Variants in DENND4C observed in about 807,000 individuals in gnomAD.
DENND4C encodes the protein DENN domain-containing protein 4C.
DENND4C carries 108 observed loss-of-function variants against 203.0 expected under a neutral mutation model. That is an observed-to-expected ratio of 0.53 (90% CI 0.46 to 0.62). The LOEUF is 0.62. Ranked by LOEUF, DENND4C falls within the 20% of genes least tolerant of loss-of-function variation. The pLI, the probability that DENND4C is intolerant of heterozygous loss-of-function variation, is 0.00. For missense variants in DENND4C, 2,481 were observed against 2,301.2 expected, an observed-to-expected ratio of 1.08 and a Z score of -1.60; for synonymous variants, 871 against 792.4, an observed-to-expected ratio of 1.10 and a Z score of -1.67.
chr9:19,353,699 G>A (rs188146887), intron 26 of DENND4C, among the ~76,000 whole-genome samples: 3 of 151,220 alleles, frequency 2.0e-5, no homozygotes, highest in East Asian at 2.0e-4. Flanking sequence ...TTGGGAGGCC[G>A]AGGCAGGCAG....
At chr9:19,273,995 A>C (rs556339377) in intron 1 of DENND4C, among the ~76,000 whole-genome samples, 2 of 152,216 alleles carry the variant, frequency 1.3e-5, no homozygotes, top group East Asian at 1.9e-4. Flanking sequence ...TTCACACGGG[A>C]AATAACCTAA....
In DENND4C at chr9:19,325,950, T is replaced by G; in HGVS notation, c.1965T>G (p.Asp655Glu). The part of the protein sequence containing the change: ...FDDCIEKLFP[D>E]KGTEKTDKVD... ...TTCTTTTTTTCTAGTTGTTTCCTGA[T>G]AAAGGCACAGAGAAAACAGATAAGG... Residue 655 changes from aspartate (D) to glutamate (E), a missense_variant, in exon 14 of 33, where the codon GAT becomes GAG. Transcript: ENST00000434457. 6.2e-7 allele frequency: 1 copy of G among 1,608,312 alleles called. No homozygotes were observed. The highest frequency in any genetic ancestry group is 8.5e-7 in the Non-Finnish European group (1 of 1,177,624).
At chr9:19,323,206 G>A (rs1055524361) in intron 12 of DENND4C, among the ~76,000 whole-genome samples, 3 of 152,138 alleles carry the variant, frequency 2.0e-5, no homozygotes, top group Non-Finnish European at 2.9e-5. Flanking sequence ...AGGCCAAGGC[G>A]GGCTGATCAC....
At chr9:19,357,744 A>G (rs1039579151) in intron 27 of DENND4C, 1 of 428,518 alleles carries the variant, frequency 2.3e-6, no homozygotes, top group Non-Finnish European at 4.2e-6. Context: ...TATCTACAAT[A>G]TGTCATCTTC....
chr9:19,300,852 G>T (rs567184545), intron 9 of DENND4C, among the ~76,000 whole-genome samples: 2 of 152,302 alleles, frequency 1.3e-5, no homozygotes, highest in African/African-American at 4.8e-5. Context: ...GTTGTTCCCT[G>T]CTTAAAACCC....
intron 3 of DENND4C, among the ~76,000 whole-genome samples, chr9:19,288,172 G>A (rs1835589478): frequency 6.6e-6 from 1 of 152,234 alleles, no homozygotes. Context: ...ACTAATATTA[G>A]CTTAATGTTG....
chr9:19,285,893 C>G (rs1042564059), intron 2 of DENND4C, among the ~76,000 whole-genome samples: 3 of 152,138 alleles, frequency 2.0e-5, no homozygotes, highest in Non-Finnish European at 2.9e-5. Context: ...ATTTTGGACA[C>G]TCCATTTTAT....
intron 1 of DENND4C, among the ~76,000 whole-genome samples, chr9:19,269,456 G>A (rs545001224): frequency 6.6e-6 from 1 of 152,276 alleles, no homozygotes; most frequent in East Asian, 1.9e-4. Flanking sequence ...ACCGTGTCCG[G>A]CCCCTTGACT....
chr9:19,340,019 GTT>G (rs1184290406), intron 20 of DENND4C, among the ~76,000 whole-genome samples: 4 of 152,022 alleles, frequency 2.6e-5, no homozygotes, highest in Admixed American at 6.6e-5. Context: ...CTCCTATTAT[GTT>G]TCTGAGCACT....
chr9:19,259,390 TTAATA>T (rs538857028), intron 1 of DENND4C, among the ~76,000 whole-genome samples: 148 of 152,320 alleles, frequency 9.7e-4, no homozygotes, highest in Non-Finnish European at 1.6e-3. Flanking sequence ...CTTACTTTAC[TTAATA>T]TAATGACCTC....
intron 1 of DENND4C, among the ~76,000 whole-genome samples, chr9:19,232,669 T>C (rs1438647770): frequency 6.6e-6 from 1 of 152,192 alleles, no homozygotes; most frequent in Non-Finnish European, 1.5e-5. Flanking sequence ...AGTTGGAGTG[T>C]GGAGACTATT....
chr9:19,334,746 G>A (rs1014154805), intron 17 of DENND4C, among the ~76,000 whole-genome samples: 2 of 152,002 alleles, frequency 1.3e-5, no homozygotes, highest in Admixed American at 6.6e-5. Flanking sequence ...GGTTGGTCTC[G>A]AACTCCTGAC....
intron 12 of DENND4C, among the ~76,000 whole-genome samples, chr9:19,323,058 A>T (rs533225395): frequency 4.6e-5 from 7 of 152,146 alleles, no homozygotes; most frequent in Admixed American, 1.3e-4. Flanking sequence ...TAATTCTAGC[A>T]CTTTGGGAGG....
chr9:19,319,431 T>C lies in DENND4C; in HGVS notation c.1807+2592T>C, dbSNP rs184445790. On this transcript the variant is annotated intron_variant, in intron 12 of 32. Transcript: ENST00000434457. Reference sequence around the variant, plus strand: ...ACACATATATATATACATATATATATACACACATATATATATACATATATA... The same window carrying C: ...ACACATATATATATACATATATATACACACACATATATATATACATATATA... Among the ~76,000 whole-genome samples, 439 of 145,094 alleles carry C rather than the reference T, an allele frequency of 3.0e-3. 2 individuals carry two copies. The highest frequency in any genetic ancestry group is 0.021 in the South Asian group (100 of 4,690).
chr9:19,333,397 G>A lies in DENND4C; in HGVS notation c.2460+1213G>A, dbSNP rs537420662. On this transcript the variant is annotated intron_variant, in intron 17 of 32. Coordinates refer to ENST00000434457, the MANE Select transcript of DENND4C (RefSeq NM_001330640.2). ...CAACTTTGGCACTATTGATATTTTGGCCCACACAATTGTTTATTTTAGGGG... is the reference window on the plus strand; with the variant it reads ...CAACTTTGGCACTATTGATATTTTGACCCACACAATTGTTTATTTTAGGGG... Among the ~76,000 whole-genome samples the A allele has an allele frequency of 4.6e-5, 7 of 152,102 alleles. No homozygotes were observed. The South Asian group carries it at 1.5e-3, about 32-fold the overall frequency.
intron 29 of DENND4C, 61 bp downstream of exon 29, chr9:19,360,550 T>C (rs767913306): frequency 1.6e-4 from 254 of 1,594,958 alleles, no homozygotes; most frequent in Non-Finnish European, 2.0e-4. Flanking sequence ...AACTTCAAGG[T>C]CCTGAAAGTA....
At chr9:19,319,435 CACATATATATAT>C (rs1350042535) in intron 12 of DENND4C, among the ~76,000 whole-genome samples, 1 of 144,156 alleles carries the variant, frequency 6.9e-6, no homozygotes. Flanking sequence ...TATATATACA[CACATATATATAT>C]ACATATATAT....
chr9:19,306,743 TTGTATTTATTTA>T (rs1839740900), intron 10 of DENND4C, among the ~76,000 whole-genome samples: 1 of 143,882 alleles, frequency 7.0e-6, no homozygotes, highest in African/African-American at 2.6e-5. Flanking sequence ...GTTTGCACAA[TTGTATTTATTTA>T]TTTATTTATT....
intron 1 of DENND4C, among the ~76,000 whole-genome samples, chr9:19,249,257 GTT>G (rs548106647): frequency 7.0e-6 from 1 of 142,578 alleles, no homozygotes; most frequent in South Asian, 2.3e-4. Flanking sequence ...AGTAATTTTT[GTT>G]TTTTTTTTTT....
Sources: allele counts gnomAD v4.1 joint callset (sites outside exome capture counted in the v4.1 genomes callset), GRCh38; gene constraint gnomAD v4.1.1; transcripts MANE v1.5; gene names NCBI Gene and HGNC (gene_info 2026-07-23, HGNC 2026-07-21).